Variants in CAMTA1 observed in about 807,000 individuals in gnomAD.
The protein encoded by CAMTA1 is calmodulin binding transcription activator 1, also known as calmodulin-binding transcription activator 1.
A neutral mutation model predicts 170.9 loss-of-function variants in CAMTA1; 27 were observed. The ratio of observed to expected loss-of-function variants is 0.16; its 90% CI spans 0.12 to 0.22. The LOEUF is 0.22. CAMTA1 is among the 10% of genes least tolerant of loss of function. The pLI is 1.00. For synonymous variants in CAMTA1, 833 were observed against 891.5 expected, an observed-to-expected ratio of 0.93 and a Z score of 1.17; for missense variants, 1,619 against 2,217.2, an observed-to-expected ratio of 0.73 and a Z score of 5.42.
chr1:6,849,864 G>A (rs1376801305), intron 3 of CAMTA1, among the ~76,000 whole-genome samples: 3 of 146,914 alleles, frequency 2.0e-5, no homozygotes, highest in East Asian at 2.1e-4. Context: ...GCAAAACCCC[G>A]TCTCTACTAA....
intron 6 of CAMTA1, among the ~76,000 whole-genome samples, chr1:7,557,188 A>G (rs2094890816): frequency 6.6e-6 from 1 of 151,958 alleles, no homozygotes; most frequent in South Asian, 2.1e-4. Context: ...TGTGCCTGTA[A>G]TCCCAGCTAC....
chr1:6,812,191 A>G (rs1645250358), intron 1 of CAMTA1, among the ~76,000 whole-genome samples: 2 of 152,112 alleles, frequency 1.3e-5, no homozygotes, highest in Admixed American at 6.5e-5. Flanking sequence ...GCGTTGCTGC[A>G]TTATTAGGGA....
rs529822195 is a variant in CAMTA1, at chr1:7,443,324, C to T, written c.439-24506C>T. ...CCCATCGCATGCTCAGCCCCAGCAT[C>T]GGGCCTGGCCCATGGCAAGCCTAGC... On this transcript the variant is annotated intron_variant, in intron 5 of 22. Transcript: ENST00000303635. The surrounding 1 kb of genome is among the most constrained non-coding windows in gnomAD (Gnocchi z 4.1). 1.3e-5 allele frequency among the ~76,000 whole-genome samples: 2 copies of T among 152,232 alleles called. No homozygotes were observed. The highest frequency in any genetic ancestry group is 2.9e-5 in the Non-Finnish European group (2 of 68,038).
At chr1:7,061,444 G>T (rs1368561360) in intron 3 of CAMTA1, among the ~76,000 whole-genome samples, 2 of 152,340 alleles carry the variant, frequency 1.3e-5, no homozygotes, top group East Asian at 3.9e-4. Flanking sequence ...ATCATTCTGA[G>T]TAGCGGCGTC....
At chr1:7,683,989 T>C (rs74054223) in intron 11 of CAMTA1, among the ~76,000 whole-genome samples, 1 of 152,280 alleles carries the variant, frequency 6.6e-6, no homozygotes, top group African/African-American at 2.4e-5. Flanking sequence ...CCTGGGACAG[T>C]GACTTCCTGC....
intron 3 of CAMTA1, among the ~76,000 whole-genome samples, chr1:7,086,328 C>T (rs1640738816): frequency 6.6e-6 from 1 of 152,054 alleles, no homozygotes; most frequent in African/African-American, 2.4e-5. Flanking sequence ...ACACGTGGTC[C>T]TTAGGGCTCA....
chr1:7,356,169 C>T (rs1297059437), intron 5 of CAMTA1, among the ~76,000 whole-genome samples: 1 of 152,222 alleles, frequency 6.6e-6, no homozygotes, highest in African/African-American at 2.4e-5. Flanking sequence ...GCTGCTTTGG[C>T]TGGGGTGTTC....
chr1:7,359,867 C>T (rs705674), intron 5 of CAMTA1, among the ~76,000 whole-genome samples: 96,987 of 151,938 alleles, frequency 0.64, 32,494 homozygotes, highest in Middle Eastern at 0.76. Context: ...CTAGGGCTGC[C>T]GTACCACAAA....
At chr1:7,016,841 G>GA (rs1232286466) in intron 3 of CAMTA1, among the ~76,000 whole-genome samples, 2 of 147,328 alleles carry the variant, frequency 1.4e-5, no homozygotes, top group African/African-American at 5.0e-5. Context: ...CTCAAAAGAA[G>GA]AAAAAAAAAA....
At chr1:7,500,209 GTATGTATATGAGTGTA>G (rs2093973520) in intron 6 of CAMTA1, among the ~76,000 whole-genome samples, 2 of 139,354 alleles carry the variant, frequency 1.4e-5, no homozygotes, top group African/African-American at 2.7e-5. Flanking sequence ...GTGTGCGTGT[GTATGTATATGAGTGTA>G]TGTGTGTTCA....
chr1:7,147,615 TCACA>T (rs896623929), intron 4 of CAMTA1, among the ~76,000 whole-genome samples: 1 of 137,758 alleles, frequency 7.3e-6, no homozygotes, highest in Non-Finnish European at 1.6e-5. Context: ...CACTCATACA[TCACA>T]CACACACTCA....
chr1:7,156,205 C>T (rs760707159), intron 4 of CAMTA1, among the ~76,000 whole-genome samples: 11 of 148,880 alleles, frequency 7.4e-5, no homozygotes, highest in Admixed American at 2.7e-4. Flanking sequence ...ACCTGGGAGA[C>T]GGAGATTGCA....
At chr1:7,505,628 G>A (rs928657874) in intron 6 of CAMTA1, among the ~76,000 whole-genome samples, 1 of 152,178 alleles carries the variant, frequency 6.6e-6, no homozygotes, top group African/African-American at 2.4e-5. Context: ...CCATGGTCAG[G>A]TGGGGGGACC....
chr1:7,010,563 A>G lies in CAMTA1; in HGVS notation c.235-80741A>G, dbSNP rs543781949. ...CCTGAGTTCAAATCTCGGACCCACT[A>G]CTGACCAGCTGGGTGACGTTTCATT... On this transcript the variant is annotated intron_variant, in intron 3 of 22. Coordinates refer to ENST00000303635, the MANE Select transcript of CAMTA1 (RefSeq NM_015215.4). This position sits in a 1 kb window ranked among gnomAD's most constrained non-coding sequence, Gnocchi z 4.4. Among the ~76,000 whole-genome samples, 6 of 152,140 alleles carry G rather than the reference A, an allele frequency of 3.9e-5. No homozygotes were observed. The highest frequency in any genetic ancestry group is 8.8e-5 in the Non-Finnish European group (6 of 68,024).
At chr1:7,318,090 C>T (rs1045655747) in intron 5 of CAMTA1, among the ~76,000 whole-genome samples, 10 of 152,194 alleles carry the variant, frequency 6.6e-5, no homozygotes, top group East Asian at 1.9e-4. Context: ...GCAAGGCTGA[C>T]GTCAGGGCCC....
chr1:7,271,450 C>T (rs989119377), intron 5 of CAMTA1, among the ~76,000 whole-genome samples: 6 of 151,828 alleles, frequency 4.0e-5, no homozygotes, highest in African/African-American at 1.2e-4. Flanking sequence ...AGTAAAGATT[C>T]GAGTGGAAAT....
At chr1:7,013,155 T>C (rs1700056813) in intron 3 of CAMTA1, among the ~76,000 whole-genome samples, 1 of 150,616 alleles carries the variant, frequency 6.6e-6, no homozygotes, top group South Asian at 2.1e-4. Flanking sequence ...CACTTCTCGC[T>C]GGGGAAGTTG....
intron 3 of CAMTA1, among the ~76,000 whole-genome samples, chr1:7,019,370 T>C (rs1373944658): frequency 4.6e-5 from 7 of 150,690 alleles, no homozygotes; most frequent in Non-Finnish European, 1.5e-5. Flanking sequence ...TCCAAAAGAG[T>C]GAGAGATTGG....
chr1:7,011,974 G>T (rs1220594073), intron 3 of CAMTA1, among the ~76,000 whole-genome samples: 1 of 152,102 alleles, frequency 6.6e-6, no homozygotes, highest in Non-Finnish European at 1.5e-5. Context: ...CAAGCCCCCA[G>T]TGCTCAGGGG....
Sources: gnomAD v4.1 joint callset for allele counts (sites outside exome capture counted in the v4.1 genomes callset) on GRCh38, gnomAD v4.1.1 for gene constraint, Gnocchi (gnomAD v3.1) non-coding constraint, MANE v1.5 for transcripts, NCBI Gene and HGNC (gene_info 2026-07-23, HGNC 2026-07-21) for gene names.